The following GRM1 variants were observed in gnomAD, a reference collection of about 807,000 sequenced individuals.
The protein encoded by GRM1 is glutamate metabotropic receptor 1, also known as metabotropic glutamate receptor 1.
Under a neutral mutation model 90.9 loss-of-function variants are expected in GRM1, and 33 were observed. That is an observed-to-expected ratio of 0.36 (90% confidence interval 0.28 to 0.49). The LOEUF (loss-of-function observed/expected upper bound fraction) is 0.49. GRM1 is among the 20% of genes least tolerant of loss of function. GRM1 has a pLI of 0.99. For missense variants in GRM1, 1,190 were observed against 1,534.3 expected (o/e 0.78, Z 3.75); for synonymous variants, 700 against 613.2 (o/e 1.14, Z -2.09).
chr6:146,141,987 T>C (rs777663475), intron 1 of GRM1, among the ~76,000 whole-genome samples: 3 of 152,214 alleles, frequency 2.0e-5, no homozygotes, highest in Admixed American at 6.5e-5. Flanking sequence ...TTAGATATTA[T>C]AGTCTTCAAG....
At chr6:146,300,936 T>C (rs1385011268) in intron 2 of GRM1, among the ~76,000 whole-genome samples, 1 of 152,220 alleles carries the variant, frequency 6.6e-6, no homozygotes, top group Non-Finnish European at 1.5e-5. Flanking sequence ...AGAATCCTAA[T>C]GCAACGAAAC....
intron 1 of GRM1, among the ~76,000 whole-genome samples, chr6:146,115,238 A>G (rs571743988): frequency 1.3e-5 from 2 of 152,068 alleles, no homozygotes; most frequent in East Asian, 1.9e-4. Context: ...ACACACACAC[A>G]CACACACACA....
intron 2 of GRM1, among the ~76,000 whole-genome samples, chr6:146,275,762 A>G (rs1474068558): frequency 6.6e-6 from 1 of 152,092 alleles, no homozygotes; most frequent in African/African-American, 2.4e-5. Context: ...TCGCCATCTA[A>G]TATTGTCAGT....
In GRM1 at chr6:146,278,297, C is replaced by T. The variant is rs1340998135; in HGVS notation, c.951-26314C>T. On this transcript the variant is annotated intron_variant, in intron 2 of 7. Coordinates refer to ENST00000282753, the MANE Select transcript of GRM1 (RefSeq NM_001278064.2). ...TGCTTTATATGTGAGAAAAATTGGG[C>T]TTAGAAAGTTAAAGAGATTACTCCA... Among the ~76,000 whole-genome samples the T allele has an allele frequency of 2.6e-5, 4 of 152,164 alleles. No homozygotes were observed. In the South Asian group the frequency reaches 8.3e-4, roughly 32 times the overall value.
chr6:146,322,574 C>CTTTTATTTTCTTTTATTTTATTTTA (rs1554296829), intron 3 of GRM1, among the ~76,000 whole-genome samples: 2 of 144,968 alleles, frequency 1.4e-5, no homozygotes, highest in African/African-American at 5.4e-5. Context: ...TGCTGCCTTT[C>CTTTTATTTTCTTTTATTTTATTTTA]TTTTATTTTA....
chr6:146,349,872 G>A (rs920264327), intron 3 of GRM1, among the ~76,000 whole-genome samples: 4 of 152,014 alleles, frequency 2.6e-5, no homozygotes, highest in Non-Finnish European at 5.9e-5. Flanking sequence ...ATATATTTAC[G>A]TGTGTCTATA....
intron 2 of GRM1, among the ~76,000 whole-genome samples, chr6:146,169,506 G>T (rs911565459): frequency 6.6e-6 from 1 of 152,084 alleles, no homozygotes; most frequent in African/African-American, 2.4e-5. Context: ...TCAGATATGT[G>T]TACATCAGAA....
chr6:146,397,484 GAAAAAAAAAA>G (rs577471775), intron 6 of GRM1, among the ~76,000 whole-genome samples: 2 of 45,032 alleles, frequency 4.4e-5, no homozygotes, highest in Non-Finnish European at 9.4e-5. Flanking sequence ...AAAAAAAAAA[GAAAAAAAAAA>G]AAAAAAAAAA....
Position 146,164,903 on chromosome 6 carries a change from G to A in GRM1, c.950+5306G>A, listed in dbSNP as rs143314476. Among the ~76,000 whole-genome samples the A allele has an allele frequency of 3.8e-3, 579 of 151,880 alleles. 4 individuals carry two copies. The highest frequency in any genetic ancestry group is 0.013 in the African/African-American group (551 of 41,452). Reference sequence around the variant, plus strand: ...ACCATATTTATTTATATATTTGCTAGCCCTTTTTACTGGATTCTGACTACA... The same window carrying A: ...ACCATATTTATTTATATATTTGCTAACCCTTTTTACTGGATTCTGACTACA... On this transcript the variant is annotated intron_variant, in intron 2 of 7. Coordinates refer to ENST00000282753, the MANE Select transcript of GRM1 (RefSeq NM_001278064.2).
At chr6:146,409,264 T>C (rs567232957) in intron 7 of GRM1, among the ~76,000 whole-genome samples, 10 of 152,244 alleles carry the variant, frequency 6.6e-5, no homozygotes, top group African/African-American at 2.2e-4. Context: ...ACCATGCCAA[T>C]GCTCATGAGT....
chr6:146,271,953 TG>T (rs1264082812), intron 2 of GRM1, among the ~76,000 whole-genome samples: 1 of 152,230 alleles, frequency 6.6e-6, no homozygotes, highest in Non-Finnish European at 1.5e-5. Context: ...TTCCTGCCTG[TG>T]GCCACAGCAC....
intron 3 of GRM1, among the ~76,000 whole-genome samples, chr6:146,325,934 T>G (rs750512646): frequency 3.2e-4 from 49 of 152,198 alleles, no homozygotes; most frequent in Non-Finnish European, 6.5e-4. Context: ...TTAAGTCATA[T>G]AGAAAATTAG....
At chr6:146,329,541 C>T (rs362947) in intron 3 of GRM1, among the ~76,000 whole-genome samples, 35,338 of 151,970 alleles carry the variant, frequency 0.23, 8,748 homozygotes, top group African/African-American at 0.62. Flanking sequence ...GAGGGAGTGG[C>T]CAAAGATGTA....
intron 2 of GRM1, among the ~76,000 whole-genome samples, chr6:146,176,958 C>A (rs147201363): frequency 6.6e-6 from 1 of 152,000 alleles, no homozygotes; most frequent in African/African-American, 2.4e-5. Flanking sequence ...AGGGCTATTG[C>A]GACCTTTATG....
chr6:146,256,706 C>T (rs1393887013), intron 2 of GRM1, among the ~76,000 whole-genome samples: 3 of 152,120 alleles, frequency 2.0e-5, no homozygotes, highest in Non-Finnish European at 4.4e-5. Flanking sequence ...CCTTCTCAAA[C>T]CCCAACACTT....
At chr6:146,363,528 T>C (rs531042290) in intron 5 of GRM1, among the ~76,000 whole-genome samples, 63 of 152,296 alleles carry the variant, frequency 4.1e-4, no homozygotes, top group Non-Finnish European at 7.5e-4. Flanking sequence ...AGGAATGTGA[T>C]AAGGTGAAAG....
chr6:146,365,059 A>G (rs910747246), intron 5 of GRM1: 1 of 152,164 alleles, frequency 6.6e-6, no homozygotes, highest in Non-Finnish European at 1.5e-5. Flanking sequence ...ATATCTTCTC[A>G]ATTCTACTGC....
chr6:146,119,993 A>G (rs568212493), intron 1 of GRM1, among the ~76,000 whole-genome samples: 1 of 152,166 alleles, frequency 6.6e-6, no homozygotes, highest in Non-Finnish European at 1.5e-5. Context: ...CACTGGTAGC[A>G]TCATGGGGAT....
chr6:146,068,540 C>G (rs187137876), intron 1 of GRM1, among the ~76,000 whole-genome samples: 4 of 152,198 alleles, frequency 2.6e-5, no homozygotes, highest in Non-Finnish European at 5.9e-5. Context: ...GAGAGAAGAC[C>G]AAGGAATGTG....
Sources: gnomAD v4.1 joint callset for allele counts (sites outside exome capture counted in the v4.1 genomes callset) on GRCh38, gnomAD v4.1.1 for gene constraint, MANE v1.5 for transcripts, NCBI Gene and HGNC (gene_info 2026-07-23, HGNC 2026-07-21) for gene names.